Variants in GATAD2B observed in about 807,000 individuals in gnomAD.
The protein encoded by GATAD2B is GATA zinc finger domain containing 2B.
A neutral mutation model predicts 64.3 loss-of-function variants in GATAD2B; 8 were observed. The observed-to-expected ratio is 0.12, with a 90% CI of 0.07 to 0.22. GATAD2B has a LOEUF of 0.22. Among genes scored for constraint, GATAD2B ranks in the 10% least tolerant of loss-of-function variants. The pLI, the probability that GATAD2B is intolerant of heterozygous loss-of-function variation, is 1.00. For missense variants in GATAD2B, 453 were observed against 752.0 expected (o/e 0.60, Z 4.65); for synonymous variants, 281 against 271.3 (o/e 1.04, Z -0.35).
chr1:153,900,401 T>A (rs962769181), intron 1 of GATAD2B, among the ~76,000 whole-genome samples: 1 of 151,608 alleles, frequency 6.6e-6, no homozygotes, highest in Non-Finnish European at 1.5e-5. Context: ...GCCTGGGCAA[T>A]AGAGACTCCG....
chr1:153,903,373 T>C (rs1432568577), intron 1 of GATAD2B, among the ~76,000 whole-genome samples: 1 of 152,106 alleles, frequency 6.6e-6, no homozygotes, highest in Non-Finnish European at 1.5e-5. Context: ...CTCCAGAAAT[T>C]GGAAAAATAA....
At chr1:153,817,999 C>A in intron 5 of GATAD2B, 41 bp downstream of exon 5, 1 of 1,532,114 alleles carries the variant, frequency 6.5e-7, no homozygotes, top group Non-Finnish European at 8.8e-7. Flanking sequence ...CAGGATTAGA[C>A]ACGGCCCTCC....
chr1:153,890,794 T>C (rs1010615982), intron 1 of GATAD2B: 3 of 152,160 alleles, frequency 2.0e-5, no homozygotes, highest in Non-Finnish European at 4.4e-5. Flanking sequence ...ACTACAGAGT[T>C]TGTACACTGG....
chr1:153,906,085 C>T (rs1677918843), intron 1 of GATAD2B, among the ~76,000 whole-genome samples: 1 of 149,448 alleles, frequency 6.7e-6, no homozygotes, highest in East Asian at 2.0e-4. Flanking sequence ...AAAAAAAGCT[C>T]CCCTCCCCCG....
chr1:153,875,683 G>GAAAA (rs11340415), intron 1 of GATAD2B, among the ~76,000 whole-genome samples: 1 of 78,406 alleles, frequency 1.3e-5, no homozygotes, highest in Non-Finnish European at 2.4e-5. Flanking sequence ...AGTTTGGAGG[G>GAAAA]AAAAAAAAAA....
chr1:153,874,931 T>G (rs905667362), intron 1 of GATAD2B, among the ~76,000 whole-genome samples: 51 of 152,202 alleles, frequency 3.4e-4, no homozygotes, highest in African/African-American at 1.2e-3. Flanking sequence ...TGGAGCACAG[T>G]GGCTCCATCA....
chr1:153,884,812 A>C (rs1220476103), intron 1 of GATAD2B, among the ~76,000 whole-genome samples: 1 of 151,754 alleles, frequency 6.6e-6, no homozygotes, highest in African/African-American at 2.4e-5. Context: ...GCTGGAGTGC[A>C]ATGGTGCGAT....
chr1:153,812,497 C>T (rs1028398488), intron 8 of GATAD2B, among the ~76,000 whole-genome samples: 1 of 152,186 alleles, frequency 6.6e-6, no homozygotes, highest in Non-Finnish European at 1.5e-5. Context: ...TCCTCTCTTT[C>T]TCCAGGAAAG....
intron 1 of GATAD2B, among the ~76,000 whole-genome samples, chr1:153,874,136 C>A (rs540339920): frequency 6.6e-6 from 1 of 151,864 alleles, no homozygotes; most frequent in East Asian, 1.9e-4. Context: ...GTGGCGTGTG[C>A]CTGTAGTCCC....
At chr1:153,853,167 C>T (rs879119983) in intron 1 of GATAD2B, 8 of 1,333,934 alleles carry the variant, frequency 6.0e-6, no homozygotes, top group East Asian at 2.3e-5. Flanking sequence ...CTTACAGACA[C>T]GGATATTGGC....
chr1:153,829,730 C>T (rs1220740637), intron 1 of GATAD2B, among the ~76,000 whole-genome samples: 1 of 150,586 alleles, frequency 6.6e-6, no homozygotes, highest in South Asian at 2.1e-4. Flanking sequence ...AGTGAGACTC[C>T]ATCTCAAAGA....
intron 1 of GATAD2B, among the ~76,000 whole-genome samples, chr1:153,862,046 T>TG (rs1676314445): frequency 6.7e-6 from 1 of 150,030 alleles, no homozygotes; most frequent in East Asian, 1.9e-4. Flanking sequence ...AAAGAGTACC[T>TG]GCTCAAGAAA....
Position 153,837,075 on chromosome 1 carries a change from C to T in GATAD2B, c.-1-8727G>A, listed in dbSNP as rs574867296. Among the ~76,000 whole-genome samples the T allele has an allele frequency of 5.3e-5, 8 of 152,290 alleles. No homozygotes were observed. In the South Asian group the frequency reaches 6.2e-4, roughly 12 times the overall value. ...TCAACTTTATGCACTCACAACCATG[C>T]CTCCCTCAAAATCCAATGTAAAATG... On this transcript the variant is annotated intron_variant, in intron 1 of 10. Transcript: ENST00000368655.
intron 1 of GATAD2B, among the ~76,000 whole-genome samples, chr1:153,864,522 C>CA (rs1197847076): frequency 1.3e-5 from 2 of 152,064 alleles, no homozygotes; most frequent in African/African-American, 4.8e-5. Flanking sequence ...AATGCTGAGA[C>CA]AGGAGGATCA....
At chr1:153,873,725 C>T (rs2101932292) in intron 1 of GATAD2B, among the ~76,000 whole-genome samples, 1 of 152,262 alleles carries the variant, frequency 6.6e-6, no homozygotes, top group Non-Finnish European at 1.5e-5. Context: ...GGATATATTG[C>T]TTGAGTACAG....
chr1:153,848,394 C>G (rs1675762489), intron 1 of GATAD2B, among the ~76,000 whole-genome samples: 1 of 152,108 alleles, frequency 6.6e-6, no homozygotes, highest in Non-Finnish European at 1.5e-5. Context: ...AGCATTTTAT[C>G]AACTCAATCT....
At chr1:153,920,187 G>A (rs550332386) in intron 1 of GATAD2B, among the ~76,000 whole-genome samples, 1 of 152,300 alleles carries the variant, frequency 6.6e-6, no homozygotes, top group Non-Finnish European at 1.5e-5. Flanking sequence ...GAAACAGGAG[G>A]AATGCTTTAC....
intron 1 of GATAD2B, among the ~76,000 whole-genome samples, chr1:153,872,276 G>A (rs1406878840): frequency 7.5e-6 from 1 of 133,432 alleles, no homozygotes; most frequent in East Asian, 2.2e-4. Flanking sequence ...CTGAGATCCC[G>A]CCTCTGCACT....
intron 1 of GATAD2B, among the ~76,000 whole-genome samples, chr1:153,861,585 C>T (rs1483232910): frequency 2.0e-5 from 3 of 149,836 alleles, no homozygotes; most frequent in Non-Finnish European, 4.4e-5. Context: ...AGTTCGAGAC[C>T]AGCCTGGCCA....
Sources: gnomAD v4.1 joint callset for allele counts (sites outside exome capture counted in the v4.1 genomes callset) on GRCh38, gnomAD v4.1.1 for gene constraint, MANE v1.5 for transcripts, NCBI Gene and HGNC (gene_info 2026-07-23, HGNC 2026-07-21) for gene names.